The following DGKH variants were observed in gnomAD, a reference collection of about 807,000 sequenced individuals.
DGKH encodes diacylglycerol kinase eta.
Under a neutral mutation model 159.3 loss-of-function variants are expected in DGKH, and 90 were observed. The observed-to-expected ratio is 0.57, with a 90% confidence interval of 0.48 to 0.67. The LOEUF is 0.67. Among genes scored for constraint, DGKH ranks in the 30% least tolerant of loss-of-function variants. DGKH has a pLI of 0.00. For missense variants in DGKH, 1,181 were observed against 1,506.1 expected, an observed-to-expected ratio of 0.78 and a Z score of 3.57; for synonymous variants, 536 against 553.8, an observed-to-expected ratio of 0.97 and a Z score of 0.45.
At chr13:42,195,248 C>T (rs573684344) in intron 17 of DGKH, among the ~76,000 whole-genome samples, 2 of 152,226 alleles carry the variant, frequency 1.3e-5, no homozygotes, top group Admixed American at 6.5e-5. Context: ...CACCTGTAAT[C>T]GCAGCACTTT....
At chr13:42,223,601 C>T (rs1489557337) in intron 29 of DGKH, among the ~76,000 whole-genome samples, 1 of 151,722 alleles carries the variant, frequency 6.6e-6, no homozygotes, top group Non-Finnish European at 1.5e-5. Flanking sequence ...TCTACTAAAA[C>T]TACAAAAAAA....
intron 3 of DGKH, among the ~76,000 whole-genome samples, chr13:42,133,891 T>A (rs1025071178): frequency 2.0e-5 from 3 of 152,174 alleles, no homozygotes; most frequent in Admixed American, 2.0e-4. Context: ...TATTTAAATA[T>A]CTTACCTTCC....
intron 14 of DGKH, among the ~76,000 whole-genome samples, chr13:42,187,370 C>A (rs1956956491): frequency 6.6e-6 from 1 of 152,066 alleles, no homozygotes. Context: ...ACTCAAATCC[C>A]TGTCCCAGTG....
chr13:42,214,498 TGC>T lies in DGKH; in HGVS notation c.3015-8_3015-7del. 6.2e-7 allele frequency: 1 copy of T among 1,601,322 alleles called. No individual in the cohort carries two copies. The highest frequency in any genetic ancestry group is 1.3e-5 in the African/African-American group (1 of 74,208). On this transcript the variant is annotated splice_polypyrimidine_tract_variant and splice_region_variant and intron_variant, in intron 24 of 29. Coordinates refer to ENST00000337343, the MANE Select transcript of DGKH (RefSeq NM_178009.5). Reference sequence around the variant, plus strand: ...GTTTTTTATTCATTTGTTTCATTTTTGCTTTTAGGATATGTGACGCAGCCACA... The same window carrying T: ...GTTTTTTATTCATTTGTTTCATTTTTTTTTAGGATATGTGACGCAGCCACA...
intron 1 of DGKH, among the ~76,000 whole-genome samples, chr13:42,060,424 C>A (rs1882069745): frequency 6.6e-6 from 1 of 152,148 alleles, no homozygotes; most frequent in African/African-American, 2.4e-5. Flanking sequence ...CTTTGCCTAC[C>A]AGACATTTCC....
chr13:42,227,570 A>G (rs1253364370), intron 29 of DGKH, among the ~76,000 whole-genome samples: 1 of 152,196 alleles, frequency 6.6e-6, no homozygotes, highest in African/African-American at 2.4e-5. Flanking sequence ...ATATTCCTCT[A>G]GGATTTGGCC....
intron 1 of DGKH, among the ~76,000 whole-genome samples, chr13:42,083,068 T>C (rs906674772): frequency 2.6e-5 from 4 of 152,156 alleles, no homozygotes; most frequent in African/African-American, 9.7e-5. Context: ...AGAGTAACAG[T>C]AGTAACTGAC....
chr13:42,095,938 T>TA (rs1442225572), intron 1 of DGKH, among the ~76,000 whole-genome samples: 3 of 152,352 alleles, frequency 2.0e-5, no homozygotes, highest in African/African-American at 7.2e-5. Context: ...TTGTTTATTT[T>TA]AAAGTTATAT....
chr13:42,044,270 G>T (rs60802996), upstream of DGKH: 27,456 of 152,012 alleles, frequency 0.18, 2,681 homozygotes, highest in East Asian at 0.31. Flanking sequence ...AAACAGTAAA[G>T]AGAACAGCAC....
intron 1 of DGKH, among the ~76,000 whole-genome samples, chr13:42,064,117 A>G (rs1422170390): frequency 6.6e-6 from 1 of 152,150 alleles, no homozygotes; most frequent in African/African-American, 2.4e-5. Flanking sequence ...CAGTTTATCC[A>G]TACAAGCCAC....
intron 1 of DGKH, among the ~76,000 whole-genome samples, chr13:42,125,760 A>C (rs1024421182): frequency 1.6e-4 from 24 of 152,244 alleles, no homozygotes; most frequent in Non-Finnish European, 4.4e-5. Context: ...TTATGGTAGT[A>C]AGAAATAGTG....
chr13:42,119,966 ACTTCCT>A (rs1402813387), intron 1 of DGKH, among the ~76,000 whole-genome samples: 1 of 152,168 alleles, frequency 6.6e-6, no homozygotes, highest in African/African-American at 2.4e-5. Flanking sequence ...AAACTTTGAT[ACTTCCT>A]TTCTACTGTG....
At position 42,168,560 on chromosome 13, in the gene DGKH, T is replaced by C. The variant is rs1303510343; in HGVS notation, c.1227+12T>C. On this transcript the variant is annotated intron_variant, in intron 10 of 29. Transcript: ENST00000337343. The stretch of plus-strand genomic sequence containing the variant: ...ACTTGAATAAACAGGCAAGTGCTAA[T>C]TCTTTTACTTGCTAGTTAACATGAA... 6.2e-7 allele frequency: 1 copy of C among 1,613,720 alleles called. No homozygotes were observed. Among genetic ancestry groups the C allele is most frequent in the Non-Finnish European group, 8.5e-7 (1 of 1,179,716 alleles).
intron 1 of DGKH, chr13:42,071,070 G>T: frequency 2.6e-6 from 3 of 1,151,036 alleles, no homozygotes; most frequent in South Asian, 1.6e-5. Flanking sequence ...GAATGTTCAT[G>T]AGACTTTCAA....
chr13:42,173,962 T>TGC, intron 11 of DGKH, 98 bp from the exon 12 acceptor site: 1 of 709,716 alleles, frequency 1.4e-6, no homozygotes, highest in Non-Finnish European at 2.4e-6. Flanking sequence ...TGTGTGTGCG[T>TGC]GCGTGTGTGT....
chr13:42,176,821 G>C (rs762889535), intron 12 of DGKH, among the ~76,000 whole-genome samples: 25 of 152,146 alleles, frequency 1.6e-4, no homozygotes, highest in Non-Finnish European at 2.8e-4. Flanking sequence ...GTGTGAAATG[G>C]AATATTATTT....
chr13:42,118,696 A>G (rs1955009086), intron 1 of DGKH, among the ~76,000 whole-genome samples: 1 of 152,214 alleles, frequency 6.6e-6, no homozygotes, highest in Admixed American at 6.5e-5. Context: ...AGTGGAGCAG[A>G]GGATATTTAG....
At chr13:42,057,623 C>T (rs17062758) in intron 1 of DGKH, among the ~76,000 whole-genome samples, 25,476 of 152,098 alleles carry the variant, frequency 0.17, 2,414 homozygotes, top group African/African-American at 0.24. Flanking sequence ...TTTGTTGCTC[C>T]TCAATTCATG....
chr13:42,161,054 C>A (rs1294985797), intron 7 of DGKH, among the ~76,000 whole-genome samples: 2 of 152,044 alleles, frequency 1.3e-5, no homozygotes, highest in African/African-American at 4.8e-5. Context: ...CTTTTACTAG[C>A]CTTAGATATG....
Sources: gnomAD v4.1 joint callset for allele counts (sites outside exome capture counted in the v4.1 genomes callset) on GRCh38, gnomAD v4.1.1 for gene constraint, MANE v1.5 for transcripts, NCBI Gene and HGNC (gene_info 2026-07-23, HGNC 2026-07-21) for gene names.